Variants in ERC1 observed in about 807,000 individuals in gnomAD.
The protein encoded by ERC1 is ELKS/RAB6-interacting/CAST family member 1, also known as RAB6 interacting protein 2.
A neutral mutation model predicts 132.0 loss-of-function variants in ERC1; 56 were observed. That is an observed-to-expected ratio of 0.42 (90% confidence interval 0.34 to 0.53). ERC1 has a LOEUF of 0.53. Among genes scored for constraint, ERC1 ranks in the 20% least tolerant of loss-of-function variants. The pLI is 0.03. For synonymous variants in ERC1, 478 were observed against 476.1 expected, an observed-to-expected ratio of 1.00 and a Z score of -0.05; for missense variants, 1,202 against 1,349.9, an observed-to-expected ratio of 0.89 and a Z score of 1.72.
intron 8 of ERC1, among the ~76,000 whole-genome samples, chr12:1,144,650 G>GTATATATATA (rs750389201): frequency 7.1e-6 from 1 of 140,350 alleles, no homozygotes; most frequent in African/African-American, 2.9e-5. Context: ...ATATATATAC[G>GTATATATATA]TATATATATA....
intron 15 of ERC1, among the ~76,000 whole-genome samples, chr12:1,320,805 C>G (rs2082063007): frequency 1.3e-5 from 2 of 152,106 alleles, no homozygotes; most frequent in African/African-American, 4.8e-5. Flanking sequence ...GGGTTCACGT[C>G]ATTCTCCTGC....
At chr12:1,080,373 T>C (rs7132220) in intron 2 of ERC1, among the ~76,000 whole-genome samples, 34,552 of 152,144 alleles carry the variant, frequency 0.23, 4,346 homozygotes, top group Middle Eastern at 0.28. Context: ...TGGATACATA[T>C]AGTGTTTGTC....
At position 1,291,570 on chromosome 12, in the gene ERC1, G is replaced by A. The variant is rs138596528; in HGVS notation, c.2780+1558G>A. Among the ~76,000 whole-genome samples the A allele has an allele frequency of 5.1e-3, 771 of 152,334 alleles. 9 individuals are homozygous for A. Among genetic ancestry groups the A allele is most frequent in the African/African-American group, 0.017 (724 of 41,564 alleles). ...TGCAGGGAGACTGAAACATGCGTAT[G>A]TGTGACTCTGGAGCTAGAATAAGAC... On this transcript the variant is annotated intron_variant, in intron 15 of 18. Transcript: ENST00000360905.
chr12:1,011,535 T>C (rs1964687387), intron 1 of ERC1, among the ~76,000 whole-genome samples: 1 of 152,212 alleles, frequency 6.6e-6, no homozygotes, highest in African/African-American at 2.4e-5. Context: ...AAGTAGTGTT[T>C]ACCTGTTTGG....
At chr12:1,081,510 T>C (rs1157711226) in intron 2 of ERC1, among the ~76,000 whole-genome samples, 1 of 152,236 alleles carries the variant, frequency 6.6e-6, no homozygotes, top group Non-Finnish European at 1.5e-5. Context: ...TTCTTGGTTC[T>C]AGTTTTAGTG....
At chr12:1,376,597 A>G (rs2087948981) in intron 16 of ERC1, among the ~76,000 whole-genome samples, 1 of 152,218 alleles carries the variant, frequency 6.6e-6, no homozygotes, top group Non-Finnish European at 1.5e-5. Flanking sequence ...CTTCAGACCC[A>G]AAAAGGATAA....
chr12:1,057,585 G>GTTTTT (rs59761885), intron 2 of ERC1, among the ~76,000 whole-genome samples: 7 of 47,696 alleles, frequency 1.5e-4, no homozygotes, highest in East Asian at 6.6e-4. Context: ...GATGCGCATG[G>GTTTTT]TTTTTTTTTT....
At position 1,184,604 on chromosome 12, in the gene ERC1, G is replaced by T. The variant is rs183193850; in HGVS notation, c.2157+1183G>T. 3.7e-4 allele frequency among the ~76,000 whole-genome samples: 56 copies of T among 152,146 alleles called. No individual in the cohort carries two copies. The East Asian group carries it at 0.01, about 28-fold the overall frequency. ...GACTGGTCTTGAGGTAATGATAATT[G>T]GAGTCATTTTTGACCTATTTATAGC... On this transcript the variant is annotated intron_variant, in intron 11 of 18. Transcript: ENST00000360905.
intron 8 of ERC1, among the ~76,000 whole-genome samples, chr12:1,175,786 C>T (rs891722025): frequency 6.6e-6 from 1 of 152,112 alleles, no homozygotes; most frequent in African/African-American, 2.4e-5. Flanking sequence ...CTGCCTGCCT[C>T]GGCCTCCCAA....
At chr12:1,235,999 T>C (rs962721945) in intron 12 of ERC1, among the ~76,000 whole-genome samples, 3 of 151,160 alleles carry the variant, frequency 2.0e-5, no homozygotes, top group African/African-American at 7.4e-5. Context: ...CATTACACTC[T>C]GAATGGTCTA....
intron 17 of ERC1, among the ~76,000 whole-genome samples, chr12:1,420,304 T>A (rs893157197): frequency 2.0e-5 from 3 of 152,172 alleles, no homozygotes; most frequent in African/African-American, 7.2e-5. Context: ...GATACAAATT[T>A]GGAGACCATC....
chr12:1,344,614 T>A (rs2084258824), intron 15 of ERC1, among the ~76,000 whole-genome samples: 1 of 152,202 alleles, frequency 6.6e-6, no homozygotes, highest in Non-Finnish European at 1.5e-5. Context: ...TAAAAAGAAA[T>A]CTAAAACCCA....
At chr12:1,002,294 C>T (rs1355033467) in intron 1 of ERC1, among the ~76,000 whole-genome samples, 1 of 149,058 alleles carries the variant, frequency 6.7e-6, no homozygotes, top group Non-Finnish European at 1.5e-5. Context: ...CCACCTCGGC[C>T]TCCCAAGTAA....
At chr12:1,064,232 T>TC (rs1273601480) in intron 2 of ERC1, among the ~76,000 whole-genome samples, 10 of 152,070 alleles carry the variant, frequency 6.6e-5, no homozygotes, top group Non-Finnish European at 1.5e-4. Flanking sequence ...TTTTTTTTTT[T>TC]TTTGAGAGAC....
In ERC1 at chr12:1,481,383, G is replaced by C. The variant is rs529159317; in HGVS notation, c.3214-8710G>C. Among the ~76,000 whole-genome samples, 8 of 152,324 alleles carry C rather than the reference G, an allele frequency of 5.3e-5. No homozygotes were observed. The South Asian group carries it at 1.5e-3, about 28-fold the overall frequency. Reference sequence around the variant, plus strand: ...CTAAAAGTTTTAACAACACATGCCTGTACTCCTTTGACTTCAGAATGACTA... The same window carrying C: ...CTAAAAGTTTTAACAACACATGCCTCTACTCCTTTGACTTCAGAATGACTA... On this transcript the variant is annotated intron_variant, in intron 18 of 18. Transcript: ENST00000360905.
chr12:1,329,969 G>A (rs1349414835), intron 15 of ERC1, among the ~76,000 whole-genome samples: 5 of 152,154 alleles, frequency 3.3e-5, no homozygotes, highest in African/African-American at 9.7e-5. Flanking sequence ...CCCAATGGAA[G>A]TAAATTATAA....
chr12:1,252,357 T>A (rs1433847099), intron 13 of ERC1, among the ~76,000 whole-genome samples: 2 of 152,130 alleles, frequency 1.3e-5, no homozygotes, highest in Non-Finnish European at 2.9e-5. Flanking sequence ...ATTTTTGGGA[T>A]TTTTTGGTAA....
intron 2 of ERC1, among the ~76,000 whole-genome samples, chr12:1,029,722 A>G (rs947058327): frequency 1.3e-5 from 2 of 150,284 alleles, no homozygotes; most frequent in Admixed American, 6.7e-5. Context: ...TTCAGGCTCT[A>G]CTAGTTAAAA....
chr12:1,403,816 A>T (rs896933474), intron 16 of ERC1, among the ~76,000 whole-genome samples: 1 of 152,198 alleles, frequency 6.6e-6, no homozygotes, highest in Non-Finnish European at 1.5e-5. Context: ...AGATTGTCTC[A>T]TGTTCTAAGA....
Sources: allele counts gnomAD v4.1 joint callset (sites outside exome capture counted in the v4.1 genomes callset), GRCh38; gene constraint gnomAD v4.1.1; transcripts MANE v1.5; gene names NCBI Gene and HGNC (gene_info 2026-07-23, HGNC 2026-07-21).